Variants in KPNA6 observed in about 807,000 individuals in gnomAD.
KPNA6 encodes importin subunit alpha-7.
Under a neutral mutation model 72.0 loss-of-function variants are expected in KPNA6, and 9 were observed. The ratio of observed to expected loss-of-function variants is 0.13; its 90% CI spans 0.08 to 0.22. The LOEUF is 0.22. Ranked by LOEUF, KPNA6 falls within the 10% of genes least tolerant of loss-of-function variation. KPNA6 has a pLI of 1.00. For synonymous variants in KPNA6, 219 were observed against 242.1 expected (o/e 0.90, Z 0.89); for missense variants, 374 against 655.7 (o/e 0.57, Z 4.69).
At chr1:32,116,007 GTCTTGGGA>G in intron 1 of KPNA6, among the ~76,000 whole-genome samples, 1 of 151,978 alleles carries the variant, frequency 6.6e-6, no homozygotes. Context: ...GCCTCCCAAA[GTCTTGGGA>G]TTACAGGCAT....
At chr1:32,169,485 C>T (rs370382685) in intron 12 of KPNA6, among the ~76,000 whole-genome samples, 2 of 147,056 alleles carry the variant, frequency 1.4e-5, no homozygotes, top group African/African-American at 2.5e-5. Flanking sequence ...CTCACTCTGT[C>T]GCCCAGGCTG....
At chr1:32,144,320 A>T (rs886907686) in intron 1 of KPNA6, among the ~76,000 whole-genome samples, 4 of 152,190 alleles carry the variant, frequency 2.6e-5, no homozygotes, top group Non-Finnish European at 5.9e-5. Context: ...ATATTTCATC[A>T]TGTTACTTGG....
intron 12 of KPNA6, among the ~76,000 whole-genome samples, chr1:32,169,626 T>G (rs971479317): frequency 2.0e-5 from 3 of 150,556 alleles, no homozygotes; most frequent in African/African-American, 7.3e-5. Flanking sequence ...TTTTTTTTTT[T>G]TTTGTATTTT....
intron 1 of KPNA6, among the ~76,000 whole-genome samples, chr1:32,129,956 T>G (rs1029768056): frequency 6.6e-6 from 1 of 152,046 alleles, no homozygotes; most frequent in Admixed American, 6.6e-5. Flanking sequence ...CTGGAAACAT[T>G]GGCTGTCATG....
intron 1 of KPNA6, among the ~76,000 whole-genome samples, chr1:32,110,257 G>T (rs997464898): frequency 6.6e-5 from 10 of 151,596 alleles, no homozygotes; most frequent in African/African-American, 2.4e-4. Context: ...TAGAGACAGG[G>T]TTTCACCATG....
chr1:32,146,782 C>T (rs1262239355), intron 1 of KPNA6, among the ~76,000 whole-genome samples: 15 of 152,166 alleles, frequency 9.9e-5, no homozygotes, highest in Non-Finnish European at 2.9e-5. Flanking sequence ...TTACCTTTAT[C>T]AGAGATCTTT....
At chr1:32,165,468 C>T (rs1344389247) in intron 10 of KPNA6, among the ~76,000 whole-genome samples, 1 of 151,796 alleles carries the variant, frequency 6.6e-6, no homozygotes, top group Non-Finnish European at 1.5e-5. Flanking sequence ...GCAGGAGGAT[C>T]ACTTGAGCCC....
At chr1:32,152,681 T>C (rs1403738988) in intron 1 of KPNA6, among the ~76,000 whole-genome samples, 3 of 151,484 alleles carry the variant, frequency 2.0e-5, no homozygotes, top group Non-Finnish European at 4.4e-5. Flanking sequence ...CCATCTCTAC[T>C]AAAAATAGAA....
rs897965136 is a variant in KPNA6, at chr1:32,173,460, A to G, written c.*2566A>G. On this transcript the variant is annotated 3_prime_UTR_variant, in exon 14 of 14. Coordinates refer to ENST00000373625, the MANE Select transcript of KPNA6 (RefSeq NM_012316.5). ...CTAAGAACTCCAAAGGCTAAAGTCTACTAGGGGCAGAGTGTGAGGATAGAT... is the reference window on the plus strand; with the variant it reads ...CTAAGAACTCCAAAGGCTAAAGTCTGCTAGGGGCAGAGTGTGAGGATAGAT... 1 of 202,924 alleles carries G rather than the reference A, an allele frequency of 4.9e-6. No individual in the cohort carries two copies. Among genetic ancestry groups the G allele is most frequent in the Non-Finnish European group, 9.8e-6 (1 of 101,524 alleles). The allele number at this position is 202,924 out of a possible 1,614,324, so 12.6% of individuals were successfully genotyped here.
rs1161432876 is a variant in KPNA6, at chr1:32,143,630, A to G, written c.5-10958A>G. The stretch of plus-strand genomic sequence containing the variant: ...TTAGTGATAAAATATATGTAACAAA[A>G]TTTTCAATTTAAGTGTACAATACAG... On this transcript the variant is annotated intron_variant, in intron 1 of 13. Transcript: ENST00000373625. 2.0e-5 allele frequency among the ~76,000 whole-genome samples: 3 copies of G among 152,016 alleles called. No homozygotes were observed. The East Asian group carries it at 5.8e-4, about 29-fold the overall frequency.
intron 2 of KPNA6, among the ~76,000 whole-genome samples, chr1:32,155,792 G>A (rs1003444846): frequency 6.6e-6 from 1 of 151,604 alleles, no homozygotes; most frequent in African/African-American, 2.4e-5. Context: ...AGTGAGTGCA[G>A]TGAGTGACAT....
chr1:32,120,910 C>T (rs982515905), intron 1 of KPNA6, among the ~76,000 whole-genome samples: 6 of 150,330 alleles, frequency 4.0e-5, no homozygotes, highest in Admixed American at 1.3e-4. Context: ...GCTCTGTCAC[C>T]CAGGCTGGAG....
chr1:32,156,561 A>G (rs1001445733), intron 2 of KPNA6, among the ~76,000 whole-genome samples: 1 of 152,190 alleles, frequency 6.6e-6, no homozygotes, highest in East Asian at 1.9e-4. Flanking sequence ...CCTGGGCCAG[A>G]CAGAACAAGA....
intron 6 of KPNA6, 152 bp downstream of exon 6, chr1:32,159,683 A>G: frequency 2.6e-6 from 2 of 776,878 alleles, no homozygotes; most frequent in Non-Finnish European, 4.0e-6. Context: ...TGGGACTTGC[A>G]ACTGGTATCT....
intron 1 of KPNA6, among the ~76,000 whole-genome samples, chr1:32,139,716 A>G (rs1193991713): frequency 6.6e-6 from 1 of 152,196 alleles, no homozygotes; most frequent in Non-Finnish European, 1.5e-5. Context: ...ATGTTGGATA[A>G]TGATATTGTA....
At chr1:32,147,650 C>CTTTTTTTTTTTTTT (rs915571659) in intron 1 of KPNA6, among the ~76,000 whole-genome samples, 1 of 81,882 alleles carries the variant, frequency 1.2e-5, no homozygotes, top group Non-Finnish European at 2.4e-5. Context: ...GATTTCTTTT[C>CTTTTTTTTTTTTTT]TTTTTTTTTT....
At chr1:32,115,984 T>A (rs1158852072) in intron 1 of KPNA6, among the ~76,000 whole-genome samples, 2 of 152,070 alleles carry the variant, frequency 1.3e-5, no homozygotes, top group Admixed American at 6.6e-5. Context: ...CCTCAGGTGA[T>A]CCACCTGCCT....
At chr1:32,132,698 T>C (rs983141044) in intron 1 of KPNA6, among the ~76,000 whole-genome samples, 1 of 151,862 alleles carries the variant, frequency 6.6e-6, no homozygotes, top group East Asian at 2.0e-4. Flanking sequence ...GGTCAGGAGA[T>C]CGAGACCATC....
At chr1:32,121,829 CG>C (rs1376232947) in intron 1 of KPNA6, among the ~76,000 whole-genome samples, 1 of 147,234 alleles carries the variant, frequency 6.8e-6, no homozygotes, top group Non-Finnish European at 1.5e-5. Flanking sequence ...AAAAGTTAAC[CG>C]GGCGTGGTGG....
Sources: allele counts gnomAD v4.1 joint callset (sites outside exome capture counted in the v4.1 genomes callset), GRCh38; gene constraint gnomAD v4.1.1; transcripts MANE v1.5; gene names NCBI Gene and HGNC (gene_info 2026-07-23, HGNC 2026-07-21).